RBFOX3: variants seen among roughly 807,000 people sequenced by gnomAD.
RBFOX3 encodes RNA binding fox-1 homolog 3.
Under a neutral mutation model 48.7 loss-of-function variants are expected in RBFOX3, and 17 were observed. The observed-to-expected ratio is 0.35, with a 90% confidence interval of 0.24 to 0.52. The LOEUF (loss-of-function observed/expected upper bound fraction) is 0.52. RBFOX3 is among the 20% of genes least tolerant of loss of function. RBFOX3 has a pLI of 0.94. For missense variants in RBFOX3, 382 were observed against 497.5 expected (o/e 0.77, Z 2.21); for synonymous variants, 212 against 209.5 (o/e 1.01, Z -0.10).
At position 79,477,550 on chromosome 17, in the gene RBFOX3, C is replaced by T. The variant is rs770478590; in HGVS notation, c.-175+4904G>A. ...CAGCCTGGGCGACAGAGCGAAACTC[C>T]GTCACCGGAAAAAAAAAAAGAGGAG... On this transcript the variant is annotated intron_variant, in intron 2 of 14. Transcript: ENST00000693108. This position sits in a 1 kb window ranked among gnomAD's most constrained non-coding sequence, Gnocchi z 4.8. 7.6e-3 allele frequency among the ~76,000 whole-genome samples: 1,098 copies of T among 144,856 alleles called. 21 individuals are homozygous for T. Among genetic ancestry groups the T allele is most frequent in the Middle Eastern group, 0.02 (6 of 294 alleles).
intron 1 of RBFOX3, among the ~76,000 whole-genome samples, chr17:79,532,776 C>A (rs1464213191): frequency 6.6e-6 from 1 of 152,252 alleles, no homozygotes; most frequent in African/African-American, 2.4e-5. Flanking sequence ...GCAAAGGCCA[C>A]AGGGACCGAT....
chr17:79,260,297 A>G (rs960861290), intron 3 of RBFOX3, among the ~76,000 whole-genome samples: 10 of 151,844 alleles, frequency 6.6e-5, no homozygotes, highest in African/African-American at 2.4e-4. Context: ...CCTTCCCACA[A>G]AGCAGCCCCA....
chr17:79,253,947 G>A (rs1219870202), intron 3 of RBFOX3, among the ~76,000 whole-genome samples: 3 of 152,210 alleles, frequency 2.0e-5, no homozygotes, highest in Non-Finnish European at 4.4e-5. Flanking sequence ...TGGATGAAGA[G>A]CCCATGTCTG....
At chr17:79,606,980 T>G (rs2093846492) in intron 1 of RBFOX3, among the ~76,000 whole-genome samples, 1 of 152,194 alleles carries the variant, frequency 6.6e-6, no homozygotes, top group Admixed American at 6.5e-5. Flanking sequence ...GGGAGCAACC[T>G]TCTTCAGAGA....
intron 3 of RBFOX3, among the ~76,000 whole-genome samples, chr17:79,272,502 C>A (rs1226379832): frequency 2.0e-5 from 3 of 152,188 alleles, no homozygotes; most frequent in Non-Finnish European, 4.4e-5. Context: ...AGGCTGCCGG[C>A]CGGCCTGGGG....
At chr17:79,173,218 A>AC (rs60986664) in intron 4 of RBFOX3, among the ~76,000 whole-genome samples, 45,736 of 150,982 alleles carry the variant, frequency 0.3, 9,263 homozygotes, top group African/African-American at 0.58. Context: ...ATAAATAAAT[A>AC]AATACATACA....
At chr17:79,247,480 T>C (rs1027931436) in intron 3 of RBFOX3, among the ~76,000 whole-genome samples, 3 of 151,878 alleles carry the variant, frequency 2.0e-5, no homozygotes, top group African/African-American at 7.3e-5. Context: ...CCTGGGTAAT[T>C]TTTGTATTTT....
intron 2 of RBFOX3, among the ~76,000 whole-genome samples, chr17:79,314,987 TATC>T (rs1218190803): frequency 6.6e-6 from 1 of 152,148 alleles, no homozygotes; most frequent in East Asian, 1.9e-4. Context: ...GATAGATATT[TATC>T]TTTTACCTTA....
At chr17:79,617,034 G>A in the RBFOX3 span, among the ~76,000 whole-genome samples, 4 of 152,210 alleles carry the variant, frequency 2.6e-5, no homozygotes, top group Admixed American at 6.5e-5. Flanking sequence ...CTGGCTCTCC[G>A]CTCTTCACTT....
intron 2 of RBFOX3, among the ~76,000 whole-genome samples, chr17:79,340,641 A>G (rs2081941044): frequency 6.6e-6 from 1 of 152,188 alleles, no homozygotes; most frequent in Non-Finnish European, 1.5e-5. Flanking sequence ...TGCCTGTTTC[A>G]TGACACGGGT....
chr17:79,518,211 C>T (rs1045125451), intron 1 of RBFOX3, among the ~76,000 whole-genome samples: 7 of 152,200 alleles, frequency 4.6e-5, no homozygotes, highest in African/African-American at 7.2e-5. Context: ...AGGTTTTTTT[C>T]TCTCTCTCTC....
At chr17:79,110,011 C>T (rs996486416) in intron 5 of RBFOX3, among the ~76,000 whole-genome samples, 9 of 152,048 alleles carry the variant, frequency 5.9e-5, no homozygotes, top group Non-Finnish European at 1.2e-4. Flanking sequence ...GGGAAGCCCT[C>T]GCATGACTGC....
At chr17:79,426,004 G>C (rs1393777710) in intron 2 of RBFOX3, among the ~76,000 whole-genome samples, 1 of 152,126 alleles carries the variant, frequency 6.6e-6, no homozygotes, top group Non-Finnish European at 1.5e-5. Flanking sequence ...GAATCACGGA[G>C]AGTGTGGAGG....
intron 2 of RBFOX3, among the ~76,000 whole-genome samples, chr17:79,389,145 C>T (rs899178041): frequency 6.6e-6 from 1 of 152,222 alleles, no homozygotes; most frequent in Non-Finnish European, 1.5e-5. Flanking sequence ...AGGAAACTCA[C>T]TTTTGAAGTT....
intron 2 of RBFOX3, among the ~76,000 whole-genome samples, chr17:79,426,124 G>A (rs889228644): frequency 3.3e-5 from 5 of 152,124 alleles, no homozygotes; most frequent in South Asian, 2.1e-4. Flanking sequence ...GGGGGCATGG[G>A]TGCTGGTGGC....
chr17:79,298,642 C>G (rs1436624761), intron 3 of RBFOX3, among the ~76,000 whole-genome samples: 3 of 152,160 alleles, frequency 2.0e-5, no homozygotes, highest in East Asian at 1.9e-4. Flanking sequence ...GCCGAGGAAG[C>G]CATCTCAGGC....
intron 1 of RBFOX3, among the ~76,000 whole-genome samples, chr17:79,564,282 C>G (rs2092369893): frequency 6.6e-6 from 1 of 152,238 alleles, no homozygotes; most frequent in Non-Finnish European, 1.5e-5. Flanking sequence ...ATGAAACAGA[C>G]AAGGTTCCCA....
At chr17:79,210,368 C>T (rs896547700) in intron 4 of RBFOX3, among the ~76,000 whole-genome samples, 3 of 152,208 alleles carry the variant, frequency 2.0e-5, no homozygotes, top group Admixed American at 1.3e-4. Context: ...GTTTTCACCT[C>T]GCTGTAATCA....
rs117193169 is a variant in RBFOX3, at chr17:79,435,633, C to T, written c.-175+46821G>A. Among the ~76,000 whole-genome samples the T allele has an allele frequency of 3.6e-4, 55 of 152,328 alleles. No homozygotes were observed. In the East Asian group the frequency reaches 7.7e-3, roughly 21 times the overall value. On this transcript the variant is annotated intron_variant, in intron 2 of 14. Transcript: ENST00000693108. ...CTGGCTCCTGGTAGGCACTGACAAA[C>T]GTTGGTCCCCGGGCTCAGGCCCGGG...
Sources: gnomAD v4.1 joint callset for allele counts (sites outside exome capture counted in the v4.1 genomes callset) on GRCh38, gnomAD v4.1.1 for gene constraint, Gnocchi (gnomAD v3.1) non-coding constraint, MANE v1.5 for transcripts, NCBI Gene and HGNC (gene_info 2026-07-23, HGNC 2026-07-21) for gene names.